Variants in CORIN observed in about 807,000 individuals in gnomAD.
CORIN encodes the protein corin, serine peptidase.
Under a neutral mutation model 125.3 loss-of-function variants are expected in CORIN, and 117 were observed. The observed-to-expected ratio is 0.93, with a 90% CI of 0.80 to 1.09. The LOEUF (loss-of-function observed/expected upper bound fraction) is 1.09, where lower values mean the gene tolerates loss of function less well. Among genes scored for constraint, CORIN ranks in the 50% least tolerant of loss-of-function variants. The pLI, the probability that CORIN is intolerant of heterozygous loss-of-function variation, is 0.00. For missense variants in CORIN, 1,253 were observed against 1,306.7 expected (o/e 0.96, Z 0.63); for synonymous variants, 450 against 466.4 (o/e 0.96, Z 0.45).
intron 6 of CORIN, among the ~76,000 whole-genome samples, chr4:47,684,905 A>G (rs13135597): frequency 0.53 from 79,845 of 151,764 alleles, 21,659 homozygotes; most frequent in Non-Finnish European, 0.59. Context: ...AGGCAGCGGG[A>G]GGTGAGAGGG....
intron 12 of CORIN, among the ~76,000 whole-genome samples, chr4:47,655,280 T>C (rs1246441868): frequency 6.6e-6 from 1 of 152,050 alleles, no homozygotes; most frequent in Non-Finnish European, 1.5e-5. Context: ...AACTCCTGCT[T>C]GAGAACAGGA....
intron 15 of CORIN, chr4:47,642,846 G>T: frequency 6.9e-7 from 1 of 1,452,136 alleles, no homozygotes; most frequent in Non-Finnish European, 9.0e-7. Flanking sequence ...TAAATTTATT[G>T]AAGTTGGGTT....
intron 1 of CORIN, among the ~76,000 whole-genome samples, chr4:47,825,733 C>G (rs189550026): frequency 3.7e-3 from 531 of 144,966 alleles, no homozygotes; most frequent in Non-Finnish European, 5.8e-3. Context: ...TGGAGTCTCA[C>G]TCTGTCACCC....
rs759226747 is a variant in CORIN, at chr4:47,721,758, A to C, written c.799+22644T>G. ...ATAAGAACATGTATCTAAAGGGCTT[A>C]GCACAGCACTTAGTACATAATAAAT... On this transcript the variant is annotated intron_variant, in intron 5 of 21. Transcript: ENST00000273857. Among the ~76,000 whole-genome samples the C allele has an allele frequency of 5.9e-5, 9 of 152,240 alleles. No individual in the cohort carries two copies. The South Asian group carries it at 1.4e-3, about 25-fold the overall frequency.
intron 9 of CORIN, among the ~76,000 whole-genome samples, chr4:47,676,230 C>T (rs1353971174): frequency 2.0e-5 from 3 of 152,184 alleles, no homozygotes; most frequent in Non-Finnish European, 4.4e-5. Flanking sequence ...TAGTACCAGG[C>T]CCCCTTTCGT....
At chr4:47,626,216 A>T (rs1722557000) in intron 17 of CORIN, among the ~76,000 whole-genome samples, 189 bp downstream of exon 17, 2 of 152,206 alleles carry the variant, frequency 1.3e-5, no homozygotes, top group African/African-American at 2.4e-5. Flanking sequence ...AGAGAAAAAA[A>T]ATCTATGTCT....
At chr4:47,643,551 C>T (rs894147420) in intron 14 of CORIN, among the ~76,000 whole-genome samples, 1 of 152,110 alleles carries the variant, frequency 6.6e-6, no homozygotes, top group Non-Finnish European at 1.5e-5. Context: ...TACCAAAGAT[C>T]AGAGAACGGG....
chr4:47,595,731 A>G lies in CORIN; in HGVS notation c.3119T>C (p.Leu1040Pro). 6.2e-7 allele frequency: 1 copy of G among 1,601,266 alleles called. No homozygotes were observed. The highest frequency in any genetic ancestry group is 1.4e-5 in the African/African-American group (1 of 74,028). Residue 1040 changes from leucine (L) to proline (P), a missense_variant, in exon 22 of 22, where the codon CTC becomes CCC. Physicochemically the swap from Leu to Pro is moderately conservative, Grantham distance 98 (BLOSUM62 -3). Transcript: ENST00000273857. ...IKRQIYIQTFLLN is the reference protein window; with the variant it reads ...IKRQIYIQTFPLN ...TGATCATCCTTATAATTAGTTTAGG[A>G]GAAAGGTCTGGATGTAAATCTGTCT...
At chr4:47,718,499 C>A (rs538980584) in intron 5 of CORIN, among the ~76,000 whole-genome samples, 5 of 152,236 alleles carry the variant, frequency 3.3e-5, no homozygotes, top group African/African-American at 1.2e-4. Flanking sequence ...ATCCAGCATG[C>A]GTGCAATAAA....
intron 10 of CORIN, among the ~76,000 whole-genome samples, chr4:47,672,782 C>A (rs1170370864): frequency 8.6e-5 from 13 of 152,024 alleles, no homozygotes. Flanking sequence ...CTACTGTTCT[C>A]TCATATGGGA....
chr4:47,621,010 A>AT (rs1353737393), intron 19 of CORIN, among the ~76,000 whole-genome samples: 10 of 152,196 alleles, frequency 6.6e-5, no homozygotes, highest in African/African-American at 2.4e-4. Flanking sequence ...CCTGTGGATT[A>AT]TTTTTTGCCT....
At chr4:47,733,402 G>C (rs1017946653) in intron 5 of CORIN, among the ~76,000 whole-genome samples, 11 of 152,164 alleles carry the variant, frequency 7.2e-5, no homozygotes, top group African/African-American at 2.4e-4. Context: ...AATTCAATAG[G>C]AGAAATTCGG....
intron 1 of CORIN, among the ~76,000 whole-genome samples, chr4:47,820,414 G>A (rs530439059): frequency 2.2e-4 from 33 of 152,206 alleles, no homozygotes; most frequent in African/African-American, 7.9e-4. Flanking sequence ...CTTTCACAAT[G>A]CTACACTGTC....
chr4:47,655,006 G>GAGTC (rs1219000402), intron 12 of CORIN, among the ~76,000 whole-genome samples: 1 of 151,992 alleles, frequency 6.6e-6, no homozygotes, highest in Non-Finnish European at 1.5e-5. Context: ...GCACCAGACA[G>GAGTC]AGTCCTGTCC....
intron 19 of CORIN, among the ~76,000 whole-genome samples, chr4:47,623,080 C>CAA (rs1722387856): frequency 9.2e-6 from 1 of 108,668 alleles, no homozygotes; most frequent in Non-Finnish European, 1.8e-5. Context: ...CTCTCTCTCT[C>CAA]TCTCTCTCTC....
intron 1 of CORIN, among the ~76,000 whole-genome samples, chr4:47,827,572 G>A (rs555130720): frequency 6.6e-6 from 1 of 152,248 alleles, no homozygotes; most frequent in African/African-American, 2.4e-5. Context: ...GGGTTTAGTG[G>A]TTTAATCAGG....
At chr4:47,695,084 G>A (rs1416171361) in intron 5 of CORIN, among the ~76,000 whole-genome samples, 1 of 152,108 alleles carries the variant, frequency 6.6e-6, no homozygotes, top group Non-Finnish European at 1.5e-5. Flanking sequence ...AACATGTTTA[G>A]TATGGTGTCA....
chr4:47,752,492 A>C (rs1372980826), intron 4 of CORIN, among the ~76,000 whole-genome samples: 3 of 152,190 alleles, frequency 2.0e-5, no homozygotes, highest in African/African-American at 7.2e-5. Context: ...TTGGGAATAC[A>C]AAAGCTCACA....
chr4:47,718,280 G>C (rs1249204515), intron 5 of CORIN, among the ~76,000 whole-genome samples: 1 of 152,126 alleles, frequency 6.6e-6, no homozygotes, highest in Non-Finnish European at 1.5e-5. Context: ...TTAATTCAAT[G>C]ACCCTATTTT....
Sources: gnomAD v4.1 joint callset for allele counts (sites outside exome capture counted in the v4.1 genomes callset) on GRCh38, gnomAD v4.1.1 for gene constraint, MANE v1.5 for transcripts, NCBI Gene and HGNC (gene_info 2026-07-23, HGNC 2026-07-21) for gene names.